Variants in FIGNL2 observed in about 807,000 individuals in gnomAD.
FIGNL2 encodes fidgetin-like protein 2.
For missense variants in FIGNL2, 1,060 were observed against 950.2 expected, an observed-to-expected ratio of 1.12 and a Z score of -1.52; for synonymous variants, 565 against 484.0, an observed-to-expected ratio of 1.17 and a Z score of -2.20.
In FIGNL2 at chr12:51,819,511, GTGTC is replaced by G. The variant is rs1939121136; in HGVS notation, c.*937_*940del. The stretch of plus-strand genomic sequence containing the variant: ...CTTCCCCGTAAGTCTCATTTTTTGA[GTGTC>G]TGGGAGAATTTGGTCCCCTGGATGG... On this transcript the variant is annotated 3_prime_UTR_variant, in exon 2 of 2. Coordinates refer to ENST00000618634, the MANE Select transcript of FIGNL2 (RefSeq NM_001384995.1). 1 of 152,714 alleles carries G rather than the reference GTGTC, an allele frequency of 6.5e-6. No homozygotes were observed. Among genetic ancestry groups the G allele is most frequent in the African/African-American group, 2.4e-5 (1 of 41,422 alleles). 9.5% of individuals were successfully genotyped at this position (152,714 alleles called of 1,614,324 possible). A position where few individuals can be genotyped will look rare whatever the true frequency, so the allele number is the denominator to read the frequency against.
At chr12:51,848,381 C>G in intron 1 of FIGNL2, 159 bp downstream of exon 1, 1 of 983,756 alleles carries the variant, frequency 1.0e-6, no homozygotes, top group Non-Finnish European at 1.2e-6. Flanking sequence ...GGGTCTCTCG[C>G]CGGCCCTGCC....
chr12:51,834,033 A>T, intron 1 of FIGNL2, among the ~76,000 whole-genome samples: 2 of 150,772 alleles, frequency 1.3e-5, no homozygotes, highest in Non-Finnish European at 1.5e-5. Flanking sequence ...GGATGGATGG[A>T]TGGATGGATG....
At position 51,820,864 on chromosome 12, in the gene FIGNL2, C is replaced by A; in HGVS notation, c.1550G>T (p.Cys517Phe). The A allele has an allele frequency of 1.4e-6, 2 of 1,441,432 alleles. No individual in the cohort carries two copies. The highest frequency in any genetic ancestry group is 1.8e-6 in the Non-Finnish European group (2 of 1,104,024). 89.3% of individuals were successfully genotyped at this position (1,441,432 alleles called of 1,614,324 possible). The change falls in exon 2 of 2, where the codon TGC becomes TTC. Residue 517 changes from cysteine (C) to phenylalanine (F), a missense_variant. Physicochemically the swap from Cys to Phe is radical, Grantham distance 205 (BLOSUM62 -2). Coordinates refer to ENST00000618634, the MANE Select transcript of FIGNL2 (RefSeq NM_001384995.1). Reference protein sequence around the residue: ...GGALQVPLLACLDGGCGAGAD... With the variant: ...GGALQVPLLAFLDGGCGAGAD... The stretch of plus-strand genomic sequence containing the variant: ...CCCCGCGCCGCAGCCCCCGTCCAGG[C>A]AGGCCAGGAGCGGCACCTGCAGCGC...
intron 1 of FIGNL2, among the ~76,000 whole-genome samples, chr12:51,830,653 A>G (rs752202859): frequency 1.3e-5 from 2 of 151,366 alleles, no homozygotes; most frequent in Non-Finnish European, 2.9e-5. Flanking sequence ...CACTACACCC[A>G]GCTAATTTTC....
At chr12:51,830,602 T>C (rs372674542) in intron 1 of FIGNL2, among the ~76,000 whole-genome samples, 20 of 149,368 alleles carry the variant, frequency 1.3e-4, no homozygotes, top group South Asian at 6.8e-4. Flanking sequence ...AGTGATTCTC[T>C]TGCCTCAGCC....
In FIGNL2 at chr12:51,821,061, G is replaced by A. The variant is rs977131422; in HGVS notation, c.1353C>T (p.Ala451=). ...LGRCLATQLG[A]TLLRLRGATL... is the part of the protein sequence containing the mutation. ...TCGCGCCGCGCAGGCGCAACAGCGT[G>A]GCGCCCAGCTGCGTGGCGAGGCAGC... Residue 451 remains alanine, a synonymous_variant, in exon 2 of 2, where the codon GCC becomes GCT. Transcript: ENST00000618634. 1,932 of 1,243,424 alleles carry A rather than the reference G, an allele frequency of 1.6e-3. 3 individuals carry two copies. Among genetic ancestry groups the A allele is most frequent in the Non-Finnish European group, 1.8e-3 (1,810 of 996,002 alleles). 77.0% of individuals were successfully genotyped at this position (1,243,424 alleles called of 1,614,324 possible).
chr12:51,838,968 C>T (rs1431821692), intron 1 of FIGNL2, among the ~76,000 whole-genome samples: 3 of 152,162 alleles, frequency 2.0e-5, no homozygotes, highest in Non-Finnish European at 2.9e-5. Context: ...AGGATGTCCT[C>T]GCCTGACCCC....
intron 1 of FIGNL2, among the ~76,000 whole-genome samples, chr12:51,845,932 G>A (rs1379654747): frequency 6.6e-6 from 1 of 151,732 alleles, no homozygotes; most frequent in African/African-American, 2.4e-5. Context: ...CCCCGGACTT[G>A]GGGGGGTGGG....
Position 51,820,903 on chromosome 12 carries a change from G to C in FIGNL2, c.1511C>G (p.Ala504Gly). The change falls in exon 2 of 2, where the codon GCG becomes GGG. Residue 504 changes from alanine to glycine, a missense_variant. By Grantham distance (60) the Ala-to-Gly change is moderately conservative. Coordinates refer to ENST00000618634, the MANE Select transcript of FIGNL2 (RefSeq NM_001384995.1). ...CACCTGCAGCGCGCCCCCTGCCGCCGCGCCGTCGTCCCGGGCGGGGAGCAG... is the reference window on the plus strand; with the variant it reads ...CACCTGCAGCGCGCCCCCTGCCGCCCCGCCGTCGTCCCGGGCGGGGAGCAG... ...EALLPARDDG[A>G]AAGGALQVPL... 1 of 1,337,130 alleles carries C rather than the reference G, an allele frequency of 7.5e-7. No individual in the cohort carries two copies. The highest frequency in any genetic ancestry group is 2.0e-5 in the South Asian group (1 of 49,636). 82.8% of individuals were successfully genotyped at this position (1,337,130 alleles called of 1,614,324 possible).
intron 1 of FIGNL2, chr12:51,847,030 C>A: frequency 1.0e-6 from 1 of 985,386 alleles, no homozygotes; most frequent in Non-Finnish European, 1.2e-6. Context: ...CGCCCCGCCC[C>A]CTGCCCGCAG....
chr12:51,842,718 C>T (rs549930772), intron 1 of FIGNL2, among the ~76,000 whole-genome samples: 3 of 152,144 alleles, frequency 2.0e-5, no homozygotes, highest in Admixed American at 1.3e-4. Flanking sequence ...CTGTCAGATG[C>T]TGATCCTCCC....
rs918828359 is a variant in FIGNL2 at position 51,834,728 on chromosome 12, C to G, written c.-11-12304G>C. ...CAGCACAGATATCCCTGCCTGTGTC[C>G]GCGGTCAGGGCCACAGCCAAGCTGT... is the stretch of plus-strand genomic sequence containing the variant. On this transcript the variant is annotated intron_variant, in intron 1 of 1. Coordinates refer to ENST00000618634, the MANE Select transcript of FIGNL2 (RefSeq NM_001384995.1). Among the ~76,000 whole-genome samples the G allele has an allele frequency of 3.3e-5, 5 of 152,340 alleles. No individual in the cohort carries two copies. In the South Asian group the frequency reaches 1.0e-3, roughly 32 times the overall value.
At chr12:51,830,299 A>G (rs1264542744) in intron 1 of FIGNL2, among the ~76,000 whole-genome samples, 5 of 151,638 alleles carry the variant, frequency 3.3e-5, no homozygotes, top group African/African-American at 1.2e-4. Flanking sequence ...AAAAAAAAAA[A>G]GAAGAAGAAG....
chr12:51,824,785 TG>T (rs1477455218), intron 1 of FIGNL2, among the ~76,000 whole-genome samples: 1 of 152,242 alleles, frequency 6.6e-6, no homozygotes, highest in African/African-American at 2.4e-5. Context: ...GGCTCATGCC[TG>T]TAATCCCAAC....
Position 51,821,935 on chromosome 12 carries a change from G to T in FIGNL2, c.479C>A (p.Ala160Asp). 2 of 1,515,402 alleles carry T rather than the reference G, an allele frequency of 1.3e-6. No homozygotes were observed. Among genetic ancestry groups the T allele is most frequent in the Non-Finnish European group, 1.8e-6 (2 of 1,132,514 alleles). The allele number at this position is 1,515,402 out of a possible 1,614,324, so 93.9% of individuals were successfully genotyped here. The change falls in exon 2 of 2, where the codon GCC becomes GAC. Residue 160 changes from alanine to aspartate, a missense_variant. Ala to Asp is a moderately radical substitution (Grantham distance 126). Transcript: ENST00000618634. ...GGPSAAPEYA[A>D]GYGGGYLAPG... ...CGCCAGGTACCCCCCGCCGTAGCCGGCCGCGTACTCGGGCGCCGCCGATGG... is the reference window on the plus strand; with the variant it reads ...CGCCAGGTACCCCCCGCCGTAGCCGTCCGCGTACTCGGGCGCCGCCGATGG...
intron 1 of FIGNL2, among the ~76,000 whole-genome samples, chr12:51,836,294 C>T (rs1382905940): frequency 6.6e-6 from 1 of 152,192 alleles, no homozygotes; most frequent in Non-Finnish European, 1.5e-5. Context: ...GGACAGGGCA[C>T]TCTGTCATCT....
Position 51,840,404 on chromosome 12 carries a change from C to T in FIGNL2, c.-12+8136G>A, listed in dbSNP as rs141273038. Among the ~76,000 whole-genome samples the T allele has an allele frequency of 4.2e-3, 640 of 152,314 alleles. 2 individuals carry two copies. Among genetic ancestry groups the T allele is most frequent in the South Asian group, 7.9e-3 (38 of 4,832 alleles). On this transcript the variant is annotated intron_variant, in intron 1 of 1. Transcript: ENST00000618634. Reference sequence around the variant, plus strand: ...TGACCTGTTCTCAAAAATACTTCCTCAATGCATAAAAGAAAAATACATGGG... The same window carrying T: ...TGACCTGTTCTCAAAAATACTTCCTTAATGCATAAAAGAAAAATACATGGG...
chr12:51,821,871 C>T lies in FIGNL2; in HGVS notation c.543G>A (p.Pro181=), dbSNP rs1257274321. 5 of 1,300,204 alleles carry T rather than the reference C, an allele frequency of 3.8e-6. No individual in the cohort carries two copies. Among genetic ancestry groups the T allele is most frequent in the Middle Eastern group, 2.9e-4 (1 of 3,420 alleles). 80.5% of individuals were successfully genotyped at this position (1,300,204 alleles called of 1,614,324 possible). ...YCAQTGAALP[P]PPPAALLQPP... is the part of the protein sequence containing the mutation. ...GCTGCAGGAGCGCGGCCGGGGGCGG[C>T]GGGGGCAGCGCGGCGCCCGTCTGCG... Residue 181 remains proline, a synonymous_variant, in exon 2 of 2, where the codon CCG becomes CCA. Coordinates refer to ENST00000618634, the MANE Select transcript of FIGNL2 (RefSeq NM_001384995.1).
rs1305068163 is a variant in FIGNL2 at position 51,818,502 on chromosome 12, G to C, written c.*1950C>G. 1 of 152,498 alleles carries C rather than the reference G, an allele frequency of 6.6e-6. No homozygotes were observed. Among genetic ancestry groups the C allele is most frequent in the Non-Finnish European group, 1.5e-5 (1 of 68,302 alleles). The allele number at this position is 152,498 out of a possible 1,614,324, so 9.4% of individuals were successfully genotyped here. On this transcript the variant is annotated 3_prime_UTR_variant, in exon 2 of 2. Coordinates refer to ENST00000618634, the MANE Select transcript of FIGNL2 (RefSeq NM_001384995.1). ...GCTTCTGAGGCACCAAAGCCCTGTG[G>C]GTGGCTGGCTCCAAAGAGGGGGCCA...
Sources: gnomAD v4.1 joint callset for allele counts (sites outside exome capture counted in the v4.1 genomes callset) on GRCh38, gnomAD v4.1.1 for gene constraint, MANE v1.5 for transcripts, NCBI Gene and HGNC (gene_info 2026-07-23, HGNC 2026-07-21) for gene names.